The following DNASE1L3 variants were observed in gnomAD, a reference collection of about 807,000 sequenced individuals.
DNASE1L3 encodes deoxyribonuclease 1L3, also known as deoxyribonuclease gamma.
Under a neutral mutation model 30.9 loss-of-function variants are expected in DNASE1L3, and 27 were observed. The observed-to-expected ratio is 0.87, with a 90% confidence interval of 0.64 to 1.20. The LOEUF (loss-of-function observed/expected upper bound fraction) is 1.20, where lower values mean the gene tolerates loss of function less well. Ranked by LOEUF, DNASE1L3 falls within the 50% of genes most tolerant of loss-of-function variation. The probability of loss-of-function intolerance (pLI) is 0.00; values close to 1 mark genes in which losing one functional copy is unlikely to be tolerated. For synonymous variants in DNASE1L3, 135 were observed against 138.0 expected (o/e 0.98, Z 0.15); for missense variants, 364 against 378.2 (o/e 0.96, Z 0.31).
intron 5 of DNASE1L3, among the ~76,000 whole-genome samples, chr3:58,198,196 T>C (rs899999223): frequency 6.6e-6 from 1 of 152,130 alleles, no homozygotes; most frequent in Non-Finnish European, 1.5e-5. Flanking sequence ...AGATAGAACC[T>C]TTCAAGAGGG....
chr3:58,209,917 T>A (rs1475111658), intron 1 of DNASE1L3, among the ~76,000 whole-genome samples: 1 of 152,106 alleles, frequency 6.6e-6, no homozygotes, highest in East Asian at 1.9e-4. Flanking sequence ...GTTGCCAGCA[T>A]CAAAAATTAA....
At position 58,208,316 on chromosome 3, in the gene DNASE1L3, A is replaced by G; in HGVS notation, c.142-10T>C. The G allele has an allele frequency of 6.2e-7, 1 of 1,614,164 alleles. No homozygotes were observed. The highest frequency in any genetic ancestry group is 8.5e-7 in the Non-Finnish European group (1 of 1,179,964). ...CACAGCGTTTGATGACCTGCAAGAA[A>G]GAGAATTCCCAGGGGTTTGAGGTCA... is the stretch of plus-strand genomic sequence containing the variant. On this transcript the variant is annotated splice_polypyrimidine_tract_variant and intron_variant, in intron 1 of 7. Transcript: ENST00000394549.
intron 4 of DNASE1L3, among the ~76,000 whole-genome samples, chr3:58,202,328 T>G (rs1278487932): frequency 7.0e-6 from 1 of 141,946 alleles, no homozygotes; most frequent in East Asian, 2.1e-4. Flanking sequence ...TTTTTTTTTT[T>G]TTTTTTTTTT....
chr3:58,205,489 T>C lies in DNASE1L3; in HGVS notation c.302A>G (p.Gln101Arg). 1 of 1,613,990 alleles carries C rather than the reference T, an allele frequency of 6.2e-7. No homozygotes were observed. Among genetic ancestry groups the C allele is most frequent in the Non-Finnish European group, 8.5e-7 (1 of 1,179,802 alleles). ...SRLGRNTYKEQYAFLYKEKLV... is the reference protein window; with the variant it reads ...SRLGRNTYKERYAFLYKEKLV... Reference sequence around the variant, plus strand: ...TACTTACTTGTAGAGAAAGGCATATTGTTCTTTATATGTGTTTCTTCCAAG... The same window carrying C: ...TACTTACTTGTAGAGAAAGGCATATCGTTCTTTATATGTGTTTCTTCCAAG... Residue 101 changes from glutamine (Q) to arginine (R), a missense_variant, in exon 3 of 8, where the codon CAA (glutamine) becomes CGA (arginine). Coordinates refer to ENST00000394549, the MANE Select transcript of DNASE1L3 (RefSeq NM_004944.4).
chr3:58,192,497 A>T lies in DNASE1L3; in HGVS notation c.*190T>A. On this transcript the variant is annotated 3_prime_UTR_variant, in exon 8 of 8. Coordinates refer to ENST00000394549, the MANE Select transcript of DNASE1L3 (RefSeq NM_004944.4). This position sits in a 1 kb window ranked among gnomAD's most constrained non-coding sequence, Gnocchi z 4.8. Reference sequence around the variant, plus strand: ...CCCCTGGTTCCCTTTTAGACAATTCAGGGGAGGTATGAGACCAAGAGAGAT... The same window carrying T: ...CCCCTGGTTCCCTTTTAGACAATTCTGGGGAGGTATGAGACCAAGAGAGAT... 3 of 523,644 alleles carry T rather than the reference A, an allele frequency of 5.7e-6. No homozygotes were observed. The highest frequency in any genetic ancestry group is 9.7e-6 in the Non-Finnish European group (3 of 309,750). The allele number at this position is 523,644 out of a possible 1,614,324, so 32.4% of individuals were successfully genotyped here.
rs537169562 is a variant in DNASE1L3 at position 58,200,180 on chromosome 3, C to T, written c.546+817G>A. On this transcript the variant is annotated intron_variant, in intron 5 of 7. Transcript: ENST00000394549. The surrounding 1 kb of genome is among the most constrained non-coding windows in gnomAD (Gnocchi z 4.2). The stretch of plus-strand genomic sequence containing the variant: ...CAAGTTCCTTTGGGAGACCACCCAT[C>T]CCTCCTCCACCTCAAACTGAGTTTG... Among the ~76,000 whole-genome samples the T allele has an allele frequency of 6.6e-6, 1 of 152,296 alleles. No individual in the cohort carries two copies. Among genetic ancestry groups the T allele is most frequent in the African/African-American group, 2.4e-5 (1 of 41,552 alleles).
In DNASE1L3 at chr3:58,197,707, C is replaced by A; in HGVS notation, c.704+114G>T. 3 of 1,428,152 alleles carry A rather than the reference C, an allele frequency of 2.1e-6. No individual in the cohort carries two copies. Among genetic ancestry groups the A allele is most frequent in the Non-Finnish European group, 1.9e-6 (2 of 1,029,818 alleles). 88.5% of individuals were successfully genotyped at this position (1,428,152 alleles called of 1,614,324 possible). A position where few individuals can be genotyped will look rare whatever the true frequency, so the allele number is the denominator to read the frequency against. On this transcript the variant is annotated intron_variant, in intron 6 of 7. Transcript: ENST00000394549. This position sits in a 1 kb window ranked among gnomAD's most constrained non-coding sequence, Gnocchi z 5.3. ...TACTCAAGCGATCCATCCATCGAGG[C>A]CTCCCAAAGTGCTAGGACTACTGGC... is the stretch of plus-strand genomic sequence containing the variant.
chr3:58,194,064 C>T (rs1241278187), intron 6 of DNASE1L3, among the ~76,000 whole-genome samples: 2 of 151,988 alleles, frequency 1.3e-5, no homozygotes, highest in East Asian at 1.9e-4. Flanking sequence ...TGGAAAATAT[C>T]GAGAAAAATC....
rs890179999 is a variant in DNASE1L3, at chr3:58,199,917, C to G, written c.546+1080G>C. On this transcript the variant is annotated intron_variant, in intron 5 of 7. Coordinates refer to ENST00000394549, the MANE Select transcript of DNASE1L3 (RefSeq NM_004944.4). ...CCAGCTCTGATGGACTATGTTCACACTTTATTTGATTCATTTTGCATTTGA... is the reference window on the plus strand; with the variant it reads ...CCAGCTCTGATGGACTATGTTCACAGTTTATTTGATTCATTTTGCATTTGA... Among the ~76,000 whole-genome samples the G allele has an allele frequency of 2.6e-5, 4 of 152,274 alleles. No individual in the cohort carries two copies. In the East Asian group the frequency reaches 7.7e-4, roughly 29 times the overall value.
At chr3:58,202,325 T>G (rs1480142086) in intron 4 of DNASE1L3, among the ~76,000 whole-genome samples, 4 of 140,192 alleles carry the variant, frequency 2.9e-5, no homozygotes, top group Admixed American at 1.4e-4. Flanking sequence ...TTGTTTTTTT[T>G]TTTTTTTTTT....
chr3:58,195,303 T>C (rs966126017), intron 6 of DNASE1L3, among the ~76,000 whole-genome samples: 1 of 152,212 alleles, frequency 6.6e-6, no homozygotes, highest in East Asian at 1.9e-4. Context: ...TTTATTGTAT[T>C]GAGACAGGTC....
At chr3:58,195,613 C>CAAAAAAAAAAAAAAAAAAA (rs34773952) in intron 6 of DNASE1L3, among the ~76,000 whole-genome samples, 1 of 38,442 alleles carries the variant, frequency 2.6e-5, no homozygotes, top group Non-Finnish European at 5.1e-5. Context: ...ACTAAAATTA[C>CAAAAAAAAAAAAAAAAAAA]AAAAAAAAAA....
At chr3:58,198,785 TG>T (rs1391063844) in intron 5 of DNASE1L3, among the ~76,000 whole-genome samples, 1 of 152,146 alleles carries the variant, frequency 6.6e-6, no homozygotes, top group Non-Finnish European at 1.5e-5. Flanking sequence ...TGAATTTGGG[TG>T]GTGTATTGAC....
intron 4 of DNASE1L3, among the ~76,000 whole-genome samples, chr3:58,203,673 G>A (rs1439079875): frequency 6.6e-6 from 1 of 152,176 alleles, no homozygotes; most frequent in Non-Finnish European, 1.5e-5. Flanking sequence ...GGTGGTGCAT[G>A]CCTATAGTCT....
At chr3:58,201,543 A>G (rs2097400543) in intron 4 of DNASE1L3, among the ~76,000 whole-genome samples, 1 of 152,208 alleles carries the variant, frequency 6.6e-6, no homozygotes, top group Non-Finnish European at 1.5e-5. Context: ...CACATAGTAC[A>G]TTCTATGTCC....
In DNASE1L3 at chr3:58,197,949, G is replaced by C. The variant is rs148439707; in HGVS notation, c.576C>G (p.Ala192=). 1 of 1,613,150 alleles carries C rather than the reference G, an allele frequency of 6.2e-7. No individual in the cohort carries two copies. The highest frequency in any genetic ancestry group is 1.3e-5 in the African/African-American group (1 of 75,012). ...ENFIFMGDFN[A]GCSYVPKKAW... ...CCTTCTTGGGGACGTAGCTGCAGCCGGCATTGAAGTCACCCATGAAAATGA... is the reference window on the plus strand; with the variant it reads ...CCTTCTTGGGGACGTAGCTGCAGCCCGCATTGAAGTCACCCATGAAAATGA... Residue 192 remains alanine (A), a synonymous_variant, in exon 6 of 8, where the codon GCC becomes GCG. Transcript: ENST00000394549. The surrounding 1 kb of genome is among the most constrained non-coding windows in gnomAD (Gnocchi z 5.3).
At chr3:58,195,542 C>A (rs1487598881) in intron 6 of DNASE1L3, among the ~76,000 whole-genome samples, 1 of 142,600 alleles carries the variant, frequency 7.0e-6, no homozygotes, top group South Asian at 2.2e-4. Flanking sequence ...CCAAAGCAGG[C>A]GGATCACCTG....
At chr3:58,205,858 C>A (rs2097403581) in intron 2 of DNASE1L3, among the ~76,000 whole-genome samples, 1 of 152,256 alleles carries the variant, frequency 6.6e-6, no homozygotes, top group African/African-American at 2.4e-5. Flanking sequence ...CACCCCAAAA[C>A]CCGCATGCTT....
At position 58,192,561 on chromosome 3, in the gene DNASE1L3, A is replaced by G; in HGVS notation, c.*126T>C. ...CTTCCAATTTGGCTCAAGTCAGAAT[A>G]AATTCAGGTCAAAAAATGAAAGCAG... On this transcript the variant is annotated 3_prime_UTR_variant, in exon 8 of 8. Coordinates refer to ENST00000394549, the MANE Select transcript of DNASE1L3 (RefSeq NM_004944.4). The surrounding 1 kb of genome is among the most constrained non-coding windows in gnomAD (Gnocchi z 4.8). 1 of 1,061,672 alleles carries G rather than the reference A, an allele frequency of 9.4e-7. No individual in the cohort carries two copies. The highest frequency in any genetic ancestry group is 1.4e-6 in the Non-Finnish European group (1 of 735,704). The allele number at this position is 1,061,672 out of a possible 1,614,324, so 65.8% of individuals were successfully genotyped here.
Sources: allele counts gnomAD v4.1 joint callset (sites outside exome capture counted in the v4.1 genomes callset), GRCh38; gene constraint gnomAD v4.1.1; non-coding constraint Gnocchi (gnomAD v3.1); transcripts MANE v1.5; gene names NCBI Gene and HGNC (gene_info 2026-07-23, HGNC 2026-07-21).